Variants in SLC36A4 observed in about 807,000 individuals in gnomAD.
SLC36A4 encodes the protein solute carrier family 36 member 4.
SLC36A4 carries 49 observed loss-of-function variants against 50.5 expected under a neutral mutation model. That is an observed-to-expected ratio of 0.97 (90% CI 0.77 to 1.23). SLC36A4 has a LOEUF of 1.23. Ranked by LOEUF, SLC36A4 falls within the 50% of genes most tolerant of loss-of-function variation. The pLI, the probability that SLC36A4 is intolerant of heterozygous loss-of-function variation, is 0.00. For synonymous variants in SLC36A4, 207 were observed against 206.5 expected, an observed-to-expected ratio of 1.00 and a Z score of -0.02; for missense variants, 611 against 608.4, an observed-to-expected ratio of 1.00 and a Z score of -0.05.
chr11:93,168,206 A>G (rs1860972316), intron 6 of SLC36A4, 35 bp from the exon 7 acceptor site: 3 of 1,331,224 alleles, frequency 2.3e-6, no homozygotes, highest in Admixed American at 2.1e-5. Flanking sequence ...AAGAAGGGGG[A>G]AAAACTTCCA....
At chr11:93,186,509 CT>C (rs548883635) in intron 1 of SLC36A4, among the ~76,000 whole-genome samples, 36 of 152,156 alleles carry the variant, frequency 2.4e-4, no homozygotes, top group African/African-American at 6.5e-4. Context: ...CTTTAATCAT[CT>C]TTTTTTCTTA....
Position 93,168,190 on chromosome 11 carries a change from A to T in SLC36A4, c.541-19T>A. The stretch of plus-strand genomic sequence containing the variant: ...CATGAACCTACATAGGATTACCAGG[A>T]GAATAAAGAAGGGGGAAAAACTTCC... On this transcript the variant is annotated intron_variant, in intron 6 of 10. Coordinates refer to ENST00000326402, the MANE Select transcript of SLC36A4 (RefSeq NM_152313.4). 6.6e-7 allele frequency: 1 copy of T among 1,504,994 alleles called. No homozygotes were observed. The allele number at this position is 1,504,994 out of a possible 1,614,324, so 93.2% of individuals were successfully genotyped here.
At position 93,175,914 on chromosome 11, in the gene SLC36A4, T is replaced by G. The variant is rs1320882880; in HGVS notation, c.540+4883A>C. ...AGGTGTGGTGTGGTGCTGAAAAAAA[T>G]GTATATTCTGTTGATTTGGGGTGGA... On this transcript the variant is annotated intron_variant, in intron 6 of 10. Coordinates refer to ENST00000326402, the MANE Select transcript of SLC36A4 (RefSeq NM_152313.4). Among the ~76,000 whole-genome samples, 352 of 118,010 alleles carry G rather than the reference T, an allele frequency of 3.0e-3. 2 individuals are homozygous for G. Among genetic ancestry groups the G allele is most frequent in the African/African-American group, 0.011 (320 of 30,470 alleles). The allele number at this position is 118,010 out of a possible 152,430, so 77.4% of individuals were successfully genotyped here.
chr11:93,155,081 G>A (rs1027106794), intron 9 of SLC36A4: 21 of 152,040 alleles, frequency 1.4e-4, no homozygotes, highest in African/African-American at 4.3e-4. Context: ...ATGACATGAA[G>A]AGAAAACAGA....
chr11:93,156,068 T>C (rs1407301292), intron 9 of SLC36A4, among the ~76,000 whole-genome samples: 4 of 152,194 alleles, frequency 2.6e-5, no homozygotes, highest in Admixed American at 6.5e-5. Flanking sequence ...ATAGAATGAT[T>C]TATATTTCTT....
chr11:93,150,074 A>G (rs1473154181), intron 10 of SLC36A4, among the ~76,000 whole-genome samples: 2 of 152,084 alleles, frequency 1.3e-5, no homozygotes, highest in Non-Finnish European at 2.9e-5. Flanking sequence ...AAATGCATCA[A>G]CAGAAGATTT....
rs766062192 is a variant in SLC36A4, at chr11:93,145,182, T to C, written c.*3355A>G. The C allele has an allele frequency of 2.6e-5, 4 of 152,062 alleles. No individual in the cohort carries two copies. Among genetic ancestry groups the C allele is most frequent in the South Asian group, 2.1e-4 (1 of 4,828 alleles). The allele number at this position is 152,062 out of a possible 1,614,324, so 9.4% of individuals were successfully genotyped here. On this transcript the variant is annotated 3_prime_UTR_variant, in exon 11 of 11. Transcript: ENST00000326402. ...ATTTCAAGTAATATTTTATAGTATT[T>C]TGCAGTTAAAGAGATTTTACATAAC...
rs563819456 is a variant in SLC36A4 at position 93,144,310 on chromosome 11, A to C, written c.*4227T>G. On this transcript the variant is annotated 3_prime_UTR_variant, in exon 11 of 11. Transcript: ENST00000326402. ...TTTAGGTTTCATTCAAACTAACAAA[A>C]TCATTTTGAAAAACAAAAATCCACC... 1 of 152,248 alleles carries C rather than the reference A, an allele frequency of 6.6e-6. No homozygotes were observed. Among genetic ancestry groups the C allele is most frequent in the East Asian group, 1.9e-4 (1 of 5,172 alleles). The allele number at this position is 152,248 out of a possible 1,614,324, so 9.4% of individuals were successfully genotyped here.
intron 1 of SLC36A4, among the ~76,000 whole-genome samples, chr11:93,191,564 T>C (rs900878190): frequency 1.3e-5 from 2 of 152,146 alleles, no homozygotes; most frequent in African/African-American, 4.8e-5. Flanking sequence ...CACTGTGATG[T>C]CAGATGAAAA....
Position 93,162,825 on chromosome 11 carries a change from C to A in SLC36A4, c.918G>T (p.Ala306=), listed in dbSNP as rs34525400. The change falls in exon 9 of 11, where the codon GCG becomes GCT. Residue 306 remains alanine, a synonymous_variant. Coordinates refer to ENST00000326402, the MANE Select transcript of SLC36A4 (RefSeq NM_152313.4). The part of the protein sequence containing the change: ...QMKESKRFPQ[A]LNIGMGIVTT... ...TAACAATCCCCATGCCAATATTCAA[C>A]GCTTGAGGGAAACGCTTTGATTCTT... 2.5e-6 allele frequency: 4 copies of A among 1,613,594 alleles called. No homozygotes were observed. In the Admixed American group the frequency reaches 5.0e-5, roughly 20 times the overall value.
At chr11:93,194,678 A>G (rs146569201) in intron 1 of SLC36A4, among the ~76,000 whole-genome samples, 72 of 152,330 alleles carry the variant, frequency 4.7e-4, no homozygotes, top group African/African-American at 1.7e-3. Context: ...ACAAATTACT[A>G]CTGTTAACAT....
intron 7 of SLC36A4, chr11:93,166,685 C>T (rs1860882606): frequency 6.6e-6 from 1 of 152,300 alleles, no homozygotes; most frequent in Admixed American, 6.6e-5. Flanking sequence ...TCCAGATACC[C>T]CAAGTCTGGT....
At chr11:93,195,121 G>T (rs1862365417) in intron 1 of SLC36A4, among the ~76,000 whole-genome samples, 2 of 151,006 alleles carry the variant, frequency 1.3e-5, no homozygotes, top group African/African-American at 4.9e-5. Flanking sequence ...AAGGAGGAAG[G>T]CACAATGCAC....
chr11:93,151,350 T>C (rs892151104), intron 10 of SLC36A4, among the ~76,000 whole-genome samples: 1 of 152,026 alleles, frequency 6.6e-6, no homozygotes, highest in African/African-American at 2.4e-5. Context: ...AGAAAAAGAA[T>C]GTATCCTTAG....
intron 6 of SLC36A4, among the ~76,000 whole-genome samples, chr11:93,177,679 A>G (rs1180843777): frequency 2.6e-5 from 4 of 152,202 alleles, no homozygotes; most frequent in African/African-American, 9.6e-5. Flanking sequence ...CAAAGGCTGC[A>G]GAAGAGCTAA....
intron 8 of SLC36A4, among the ~76,000 whole-genome samples, chr11:93,164,077 G>T (rs1005813185): frequency 6.6e-6 from 1 of 152,074 alleles, no homozygotes. Flanking sequence ...TTGTAGAATG[G>T]TAATTAGAAA....
chr11:93,175,352 G>T (rs1861408547), intron 6 of SLC36A4, among the ~76,000 whole-genome samples: 3 of 149,916 alleles, frequency 2.0e-5, no homozygotes, highest in Non-Finnish European at 4.5e-5. Flanking sequence ...TTCTTTATTA[G>T]TCTTGCTAGC....
rs1859853669 is a variant in SLC36A4 at position 93,146,758 on chromosome 11, TA to T, written c.*1778del. 1 of 152,092 alleles carries T rather than the reference TA, an allele frequency of 6.6e-6. No homozygotes were observed. Among genetic ancestry groups the T allele is most frequent in the Admixed American group, 6.6e-5 (1 of 15,244 alleles). The allele number at this position is 152,092 out of a possible 1,614,324, so 9.4% of individuals were successfully genotyped here. ...AGTAAACAGTTCATGTTTTAAAGTC[TA>T]AATTGTTTTTAAAGTCAGAAGACAA... On this transcript the variant is annotated 3_prime_UTR_variant, in exon 11 of 11. Transcript: ENST00000326402.
intron 7 of SLC36A4, chr11:93,166,765 A>G (rs1021247299): frequency 1.3e-5 from 2 of 152,202 alleles, no homozygotes; most frequent in Non-Finnish European, 2.9e-5. Context: ...GCCAAGTAAA[A>G]AGAATGAACA....
Sources: allele counts gnomAD v4.1 joint callset (sites outside exome capture counted in the v4.1 genomes callset), GRCh38; gene constraint gnomAD v4.1.1; transcripts MANE v1.5; gene names NCBI Gene and HGNC (gene_info 2026-07-23, HGNC 2026-07-21).